ZNF516: variants seen among roughly 807,000 people sequenced by gnomAD.
The protein encoded by ZNF516 is zinc finger protein 516.
A neutral mutation model predicts 79.7 loss-of-function variants in ZNF516; 19 were observed. The observed-to-expected ratio is 0.24, with a 90% CI of 0.17 to 0.35. The LOEUF is 0.35. ZNF516 is among the 10% of genes least tolerant of loss of function. ZNF516 has a pLI of 1.00. For synonymous variants in ZNF516, 877 were observed against 739.5 expected, an observed-to-expected ratio of 1.19 and a Z score of -3.02; for missense variants, 1,678 against 1,679.5, an observed-to-expected ratio of 1.00 and a Z score of 0.02.
chr18:76,433,447 T>C (rs2075688779), intron 3 of ZNF516, among the ~76,000 whole-genome samples: 1 of 152,148 alleles, frequency 6.6e-6, no homozygotes, highest in Non-Finnish European at 1.5e-5. Flanking sequence ...GAGAGGGTCA[T>C]CCTGCCTGAA....
intron 1 of ZNF516, chr18:76,492,658 C>A: frequency 1.1e-6 from 1 of 939,666 alleles, no homozygotes; most frequent in Non-Finnish European, 1.3e-6. Context: ...CGCACCAGGG[C>A]GCGCGTGCCC....
At chr18:76,495,894 G>A (rs1915463654), upstream of ZNF516, 2 of 401,240 alleles carry the variant, frequency 5.0e-6, no homozygotes, top group Non-Finnish European at 7.8e-6. Flanking sequence ...CCTGAATCAA[G>A]GGTCACAGAG....
intron 1 of ZNF516, among the ~76,000 whole-genome samples, chr18:76,469,561 G>A (rs999069521): frequency 1.3e-5 from 2 of 152,124 alleles, no homozygotes; most frequent in East Asian, 1.9e-4. Context: ...TGGGATAAGG[G>A]AGGAGACTCA....
chr18:76,495,306 G>A (rs1266670355), upstream of ZNF516: 1 of 144,520 alleles, frequency 6.9e-6, no homozygotes, highest in Non-Finnish European at 1.5e-5. Flanking sequence ...GGCCCGCCAC[G>A]CGCCCGGCCC....
At chr18:76,473,286 A>T (rs1380614778) in intron 1 of ZNF516, among the ~76,000 whole-genome samples, 1 of 150,752 alleles carries the variant, frequency 6.6e-6, no homozygotes, top group Non-Finnish European at 1.5e-5. Flanking sequence ...ATATTAATGG[A>T]ATAAACTCAC....
At chr18:76,399,264 G>C (rs1050997303) in intron 3 of ZNF516, among the ~76,000 whole-genome samples, 2 of 152,222 alleles carry the variant, frequency 1.3e-5, no homozygotes, top group African/African-American at 4.8e-5. Flanking sequence ...AAATGCACAT[G>C]TCTTATGAAG....
chr18:76,487,072 T>C (rs1018349513), intron 1 of ZNF516, among the ~76,000 whole-genome samples: 12 of 152,258 alleles, frequency 7.9e-5, no homozygotes, highest in African/African-American at 2.9e-4. Flanking sequence ...CATTTCTAAT[T>C]ACTCCTGCTT....
intron 6 of ZNF516, among the ~76,000 whole-genome samples, chr18:76,365,567 A>G (rs555323292): frequency 1.1e-3 from 174 of 152,372 alleles, no homozygotes; most frequent in Non-Finnish European, 1.9e-3. Flanking sequence ...TTAAACATTT[A>G]TTCAGTTGTG....
rs142789195 is a variant in ZNF516 at position 76,440,325 on chromosome 18, A to G, written c.1810+920T>C. Among the ~76,000 whole-genome samples the G allele has an allele frequency of 5.4e-4, 82 of 152,368 alleles. 3 individuals are homozygous for G. In the East Asian group the frequency reaches 0.015, roughly 29 times the overall value. ...GCACAGCAGTCATCTTCTTCACCAC[A>G]GAATATAAACAGCCCTGCCCCGGGC... On this transcript the variant is annotated intron_variant, in intron 3 of 6. Transcript: ENST00000443185.
intron 3 of ZNF516, among the ~76,000 whole-genome samples, chr18:76,421,877 C>G (rs1290245550): frequency 6.6e-6 from 1 of 152,222 alleles, no homozygotes; most frequent in Non-Finnish European, 1.5e-5. Context: ...CGGGCCGGGT[C>G]TGGTGCCCAA....
At chr18:76,452,606 CA>C (rs1223972728) in intron 2 of ZNF516, among the ~76,000 whole-genome samples, 1 of 152,256 alleles carries the variant, frequency 6.6e-6, no homozygotes, top group East Asian at 1.9e-4. Flanking sequence ...CACAAACTGT[CA>C]AAAAACCCAA....
chr18:76,377,150 G>A (rs1025662136), intron 4 of ZNF516, among the ~76,000 whole-genome samples: 13 of 152,206 alleles, frequency 8.5e-5, no homozygotes, highest in African/African-American at 2.7e-4. Context: ...ACTGCGCCGC[G>A]CCTCCCACCC....
At chr18:76,452,852 G>A (rs1295319169) in intron 2 of ZNF516, among the ~76,000 whole-genome samples, 3 of 152,124 alleles carry the variant, frequency 2.0e-5, no homozygotes, top group Non-Finnish European at 4.4e-5. Flanking sequence ...GAAAAAATGA[G>A]GAAGGATACG....
intron 3 of ZNF516, among the ~76,000 whole-genome samples, chr18:76,434,166 A>G (rs747016316): frequency 6.8e-6 from 1 of 147,822 alleles, no homozygotes; most frequent in Non-Finnish European, 1.5e-5. Flanking sequence ...ACGGGGTGCA[A>G]GAACCAAATT....
chr18:76,435,552 A>G (rs1433260397), intron 3 of ZNF516, among the ~76,000 whole-genome samples: 1 of 152,246 alleles, frequency 6.6e-6, no homozygotes, highest in African/African-American at 2.4e-5. Context: ...CCGGTTGCTA[A>G]GATGCTGACT....
chr18:76,392,596 G>C (rs914330058), intron 3 of ZNF516, among the ~76,000 whole-genome samples: 2 of 143,848 alleles, frequency 1.4e-5, no homozygotes, highest in Non-Finnish European at 3.0e-5. Context: ...GTGGCCGGGT[G>C]GGGGAAGGGC....
At chr18:76,390,668 G>C (rs1465039678) in intron 3 of ZNF516, among the ~76,000 whole-genome samples, 1 of 152,200 alleles carries the variant, frequency 6.6e-6, no homozygotes, top group African/African-American at 2.4e-5. Flanking sequence ...CCCGCAGGCA[G>C]GAGGCCCATG....
At chr18:76,464,876 G>A (rs1225914222) in intron 1 of ZNF516, among the ~76,000 whole-genome samples, 1 of 152,220 alleles carries the variant, frequency 6.6e-6, no homozygotes, top group Non-Finnish European at 1.5e-5. Flanking sequence ...GGAGCCTTAC[G>A]CAGTTGGAGG....
chr18:76,413,434 A>G (rs1234585087), intron 3 of ZNF516, among the ~76,000 whole-genome samples: 9 of 151,866 alleles, frequency 5.9e-5, no homozygotes, highest in Non-Finnish European at 1.0e-4. Flanking sequence ...TCAATCAATC[A>G]ATCGATAGAA....
Sources: gnomAD v4.1 joint callset for allele counts (sites outside exome capture counted in the v4.1 genomes callset) on GRCh38, gnomAD v4.1.1 for gene constraint, MANE v1.5 for transcripts, NCBI Gene and HGNC (gene_info 2026-07-23, HGNC 2026-07-21) for gene names.